The following ABCA3 variants were observed in gnomAD, a reference collection of about 807,000 sequenced individuals.
ABCA3 encodes the protein phospholipid-transporting ATPase ABCA3.
ABCA3 carries 88 observed loss-of-function variants against 172.8 expected under a neutral mutation model. The observed-to-expected ratio is 0.51, with a 90% confidence interval of 0.43 to 0.61. The LOEUF (loss-of-function observed/expected upper bound fraction) is 0.61, where lower values mean the gene tolerates loss of function less well. ABCA3 is among the 20% of genes least tolerant of loss of function. ABCA3 has a pLI of 0.00. For missense variants in ABCA3, 2,164 were observed against 2,301.0 expected (o/e 0.94, Z 1.22); for synonymous variants, 1,066 against 983.8 (o/e 1.08, Z -1.56).
intron 10 of ABCA3, among the ~76,000 whole-genome samples, chr16:2,310,350 G>C (rs1401495799): frequency 1.3e-5 from 2 of 151,970 alleles, no homozygotes; most frequent in East Asian, 3.9e-4. Flanking sequence ...GGAGGTTGCA[G>C]TGAGCCGAGA....
chr16:2,331,751 G>C (rs879825872), intron 1 of ABCA3, among the ~76,000 whole-genome samples: 21 of 152,220 alleles, frequency 1.4e-4, no homozygotes, highest in Non-Finnish European at 2.5e-4. Flanking sequence ...GCTGATGACT[G>C]AGGCCCAGGA....
chr16:2,306,436 CGACTG>C (rs1230988346), intron 11 of ABCA3, among the ~76,000 whole-genome samples: 5 of 152,194 alleles, frequency 3.3e-5, no homozygotes, highest in African/African-American at 1.2e-4. Context: ...AAGACACTGC[CGACTG>C]TAGAGAACCG....
chr16:2,302,283 G>A (rs1418673766), intron 12 of ABCA3, among the ~76,000 whole-genome samples: 1 of 152,118 alleles, frequency 6.6e-6, no homozygotes, highest in Non-Finnish European at 1.5e-5. Context: ...AGGTCTCCCC[G>A]ACCGAGCTGG....
intron 12 of ABCA3, among the ~76,000 whole-genome samples, chr16:2,303,179 G>A (rs1028782494): frequency 2.6e-5 from 4 of 151,918 alleles, no homozygotes; most frequent in Non-Finnish European, 5.9e-5. Context: ...GGGAAACCCA[G>A]CAAAGTACAT....
At chr16:2,316,490 CAAAAAAAAAAAAAAAAAAAAAAAAAA>C (rs71148128) in intron 10 of ABCA3, among the ~76,000 whole-genome samples, 1 of 28,866 alleles carries the variant, frequency 3.5e-5, no homozygotes, top group African/African-American at 1.5e-4. Context: ...ACTAAAAATG[CAAAAAAAAAAAAAAAAAAAAAAAAAA>C]AAAAAAAAAA....
rs1172666998 is a variant in ABCA3, at chr16:2,284,631, G to A, written c.3703+148C>T. 5.7e-6 allele frequency: 7 copies of A among 1,219,998 alleles called. No homozygotes were observed. 75.6% of individuals were successfully genotyped at this position (1,219,998 alleles called of 1,614,324 possible). On this transcript the variant is annotated intron_variant, in intron 24 of 32. Coordinates refer to ENST00000301732, the MANE Select transcript of ABCA3 (RefSeq NM_001089.3). This position sits in a 1 kb window ranked among gnomAD's most constrained non-coding sequence, Gnocchi z 5.9. Reference sequence around the variant, plus strand: ...CCTGCCCACCAGTCATGGCTAGCCGGGCAGGGCCAGCTGGGGCAGAGGGGC... The same window carrying A: ...CCTGCCCACCAGTCATGGCTAGCCGAGCAGGGCCAGCTGGGGCAGAGGGGC...
At chr16:2,292,581 A>G (rs929420621) in intron 18 of ABCA3, among the ~76,000 whole-genome samples, 4 of 152,106 alleles carry the variant, frequency 2.6e-5, no homozygotes, top group African/African-American at 9.7e-5. Flanking sequence ...CCTGGGTGGC[A>G]GAGTGAAACT....
At position 2,287,023 on chromosome 16, in the gene ABCA3, CCT is replaced by C; in HGVS notation, c.3005-58_3005-57del. ...AGGAAGAGGTGACACCTGGGCACCC[CCT>C]GCCACCTGAGCATGGCTAATCAGGG... is the stretch of plus-strand genomic sequence containing the variant. On this transcript the variant is annotated intron_variant, in intron 21 of 32. Coordinates refer to ENST00000301732, the MANE Select transcript of ABCA3 (RefSeq NM_001089.3). This position sits in a 1 kb window ranked among gnomAD's most constrained non-coding sequence, Gnocchi z 4.1. 1 of 1,576,898 alleles carries C rather than the reference CCT, an allele frequency of 6.3e-7. No individual in the cohort carries two copies. Among genetic ancestry groups the C allele is most frequent in the Non-Finnish European group, 8.6e-7 (1 of 1,161,190 alleles).
Position 2,289,643 on chromosome 16 carries a change from C to T in ABCA3, c.2514-23G>A, listed in dbSNP as rs750180538. On this transcript the variant is annotated intron_variant, in intron 19 of 32. Transcript: ENST00000301732. Reference sequence around the variant, plus strand: ...ACCCTGTGCCGATACACACAGGGACCGGTCAGGACCCAGCTCCCCGGGTGG... The same window carrying T: ...ACCCTGTGCCGATACACACAGGGACTGGTCAGGACCCAGCTCCCCGGGTGG... The T allele has an allele frequency of 5.8e-5, 89 of 1,545,106 alleles. 1 individual carries two copies. The South Asian group carries it at 7.5e-4, about 13-fold the overall frequency.
At position 2,277,909 on chromosome 16, in the gene ABCA3, ACTC is replaced by A. The variant is rs773225914; in HGVS notation, c.4876_4878del (p.Glu1626del). ...AAGGTCAGGTCCACGAAGGCCTTGA[ACTC>A]CTCCAGCGCCTCCTGTTGCCCTTCA... is the stretch of plus-strand genomic sequence containing the variant. On this transcript the variant is annotated inframe_deletion, in exon 31 of 33. Transcript: ENST00000301732. This position sits in a 1 kb window ranked among gnomAD's most constrained non-coding sequence, Gnocchi z 5.3. The A allele has an allele frequency of 2.7e-5, 43 of 1,609,762 alleles. No individual in the cohort carries two copies. The highest frequency in any genetic ancestry group is 2.2e-4 in the East Asian group (10 of 44,854).
At chr16:2,335,800 C>T (rs900648935) in intron 1 of ABCA3, among the ~76,000 whole-genome samples, 2 of 152,140 alleles carry the variant, frequency 1.3e-5, no homozygotes, top group Non-Finnish European at 2.9e-5. Context: ...AACTCAAGAC[C>T]CTTAAATAGC....
Position 2,286,843 on chromosome 16 carries a change from G to A in ABCA3, c.3129C>T (p.Asn1043=), listed in dbSNP as rs758037108. The A allele has an allele frequency of 6.2e-7, 1 of 1,614,138 alleles. No individual in the cohort carries two copies. The highest frequency in any genetic ancestry group is 8.5e-7 in the Non-Finnish European group (1 of 1,180,030). ...GERTVVNALF[N]NQAYHSPATA... is the part of the protein sequence containing the mutation. ...TGGCTGGAGAGTGGTACGCCTGGTT[G>A]TTGAACAAGGCGTTGACGACCGTGC... Residue 1043 remains asparagine, a synonymous_variant, in exon 22 of 33, where the codon AAC becomes AAT. Coordinates refer to ENST00000301732, the MANE Select transcript of ABCA3 (RefSeq NM_001089.3). This position sits in a 1 kb window ranked among gnomAD's most constrained non-coding sequence, Gnocchi z 5.2.
intron 12 of ABCA3, among the ~76,000 whole-genome samples, chr16:2,300,444 T>A (rs2093687114): frequency 6.6e-6 from 1 of 152,142 alleles, no homozygotes; most frequent in Admixed American, 6.6e-5. Flanking sequence ...CTATGAAATT[T>A]CATAGACAGA....
At chr16:2,328,865 A>T (rs2093738721) in intron 2 of ABCA3, 108 bp from the exon 3 acceptor site, 1 of 159,204 alleles carries the variant, frequency 6.3e-6, no homozygotes, top group East Asian at 1.8e-4. Flanking sequence ...GCTCCCCGAC[A>T]ATGACCCGGG....
intron 1 of ABCA3, among the ~76,000 whole-genome samples, chr16:2,336,376 T>C (rs2093751730): frequency 6.6e-6 from 1 of 152,092 alleles, no homozygotes; most frequent in South Asian, 2.1e-4. Context: ...TGCCTTTCTC[T>C]GTATCATGTT....
chr16:2,291,520 C>T (rs1389919249), intron 19 of ABCA3, among the ~76,000 whole-genome samples: 2 of 152,332 alleles, frequency 1.3e-5, no homozygotes, highest in African/African-American at 4.8e-5. Flanking sequence ...CTCCCAAGGA[C>T]GATCTAAGCC....
At chr16:2,334,190 A>C (rs2093747985) in intron 1 of ABCA3, among the ~76,000 whole-genome samples, 1 of 152,106 alleles carries the variant, frequency 6.6e-6, no homozygotes, top group African/African-American at 2.4e-5. Context: ...CCGGTCTTGA[A>C]TGACTCATTA....
In ABCA3 at chr16:2,281,133, T is replaced by C. The variant is rs147036502; in HGVS notation, c.4253A>G (p.Asn1418Ser). The change falls in exon 28 of 33, where the codon AAT (asparagine) becomes AGT (serine). Residue 1418 changes from asparagine (N) to serine (S), a missense_variant. By Grantham distance (46) the Asn-to-Ser change is conservative. Around this residue, in one of 3 missense-constraint regions of ABCA3, gnomAD observed 795 missense variants for 881.9 expected, o/e 0.90. Transcript: ENST00000301732. The surrounding 1 kb of genome is among the most constrained non-coding windows in gnomAD (Gnocchi z 4.7). The stretch of plus-strand genomic sequence containing the variant: ...GAAAGTCGTGGTCTTCCCGGCTCCA[T>C]TGAAGCCCAGCAGGCCGAAGCACTC... ...KGECFGLLGF[N>S]GAGKTTTFKM... The C allele has an allele frequency of 6.9e-5, 112 of 1,613,738 alleles. No individual in the cohort carries two copies. The highest frequency in any genetic ancestry group is 2.0e-4 in the African/African-American group (15 of 74,884).
intron 1 of ABCA3, chr16:2,332,668 T>C (rs549910894): frequency 8.1e-6 from 13 of 1,600,998 alleles, no homozygotes; most frequent in East Asian, 4.5e-5. Flanking sequence ...GATGAGACCA[T>C]TGCCGCGTTT....
Sources: gnomAD v4.1 joint callset for allele counts (sites outside exome capture counted in the v4.1 genomes callset) on GRCh38, gnomAD v4.1.1 for gene constraint, gnomAD v4.1.1 regional missense constraint, Gnocchi (gnomAD v3.1) non-coding constraint, MANE v1.5 for transcripts, NCBI Gene and HGNC (gene_info 2026-07-23, HGNC 2026-07-21) for gene names.